The following DIP2C variants were observed in gnomAD, a reference collection of about 807,000 sequenced individuals.
DIP2C encodes the protein DIP2 acetate--CoA ligase C (putative).
DIP2C carries 33 observed loss-of-function variants against 192.4 expected under a neutral mutation model. The observed-to-expected ratio is 0.17, with a 90% CI of 0.13 to 0.23. The LOEUF (loss-of-function observed/expected upper bound fraction) is 0.23, where lower values mean the gene tolerates loss of function less well. DIP2C is among the 10% of genes least tolerant of loss of function. The probability of loss-of-function intolerance (pLI) is 1.00; values close to 1 mark genes in which losing one functional copy is unlikely to be tolerated. For missense variants in DIP2C, 1,537 were observed against 2,110.1 expected (o/e 0.73, Z 5.32); for synonymous variants, 979 against 864.1 (o/e 1.13, Z -2.33).
At chr10:577,909 C>A (rs1382964767) in intron 1 of DIP2C, among the ~76,000 whole-genome samples, 1 of 151,680 alleles carries the variant, frequency 6.6e-6, no homozygotes, top group African/African-American at 2.4e-5. Context: ...CATGGTAGAA[C>A]CTGGAATTTA....
intron 1 of DIP2C, among the ~76,000 whole-genome samples, chr10:559,005 C>A (rs984573594): frequency 3.3e-5 from 5 of 151,826 alleles, no homozygotes; most frequent in African/African-American, 1.2e-4. Flanking sequence ...GTCGTGGGGC[C>A]AAGGAGTGGT....
At chr10:418,723 T>C (rs377207265) in intron 6 of DIP2C, among the ~76,000 whole-genome samples, 12 of 152,378 alleles carry the variant, frequency 7.9e-5, no homozygotes, top group Non-Finnish European at 1.3e-4. Flanking sequence ...TAAGTGACTG[T>C]TCATGGTCTT....
At chr10:394,105 G>A (rs910075789) in intron 10 of DIP2C, among the ~76,000 whole-genome samples, 5 of 152,278 alleles carry the variant, frequency 3.3e-5, no homozygotes, top group African/African-American at 7.2e-5. Flanking sequence ...CCAGATTATC[G>A]GCATCCCTAC....
chr10:665,346 G>A (rs1588720676), intron 1 of DIP2C: 2 of 152,128 alleles, frequency 1.3e-5, no homozygotes, highest in South Asian at 2.1e-4. Context: ...ATTGTTCTAG[G>A]TGGTGCTTTT....
At position 650,969 on chromosome 10, in the gene DIP2C, C is replaced by T. The variant is rs562103071; in HGVS notation, c.85+38525G>A. 117 of 717,436 alleles carry T rather than the reference C, an allele frequency of 1.6e-4. 1 individual carries two copies. In the African/African-American group the frequency reaches 1.9e-3, roughly 11 times the overall value. 44.4% of individuals were successfully genotyped at this position (717,436 alleles called of 1,614,324 possible). On this transcript the variant is annotated intron_variant, in intron 1 of 36. Transcript: ENST00000280886. ...GCTCTGGCTGTTTCTCTTCCAAAGC[C>T]GGCACTGCCCTCTCTCCATCTCTCC...
chr10:609,941 G>A (rs1278714303), intron 1 of DIP2C, among the ~76,000 whole-genome samples: 2 of 151,926 alleles, frequency 1.3e-5, no homozygotes, highest in East Asian at 1.9e-4. Flanking sequence ...AAAGGAATGC[G>A]GCATTCCACC....
At chr10:392,016 T>C (rs1466059161) in intron 10 of DIP2C, among the ~76,000 whole-genome samples, 1 of 152,198 alleles carries the variant, frequency 6.6e-6, no homozygotes, top group Non-Finnish European at 1.5e-5. Context: ...AACCAGCACA[T>C]GCAGGGCAGC....
chr10:639,905 C>T (rs543722252), intron 1 of DIP2C, among the ~76,000 whole-genome samples: 2 of 152,224 alleles, frequency 1.3e-5, no homozygotes, highest in African/African-American at 4.8e-5. Context: ...GTCCCTCCCC[C>T]GCCCGGCCTG....
intron 1 of DIP2C, among the ~76,000 whole-genome samples, chr10:657,759 GGACCTGACGCTT>G (rs1408248940): frequency 9.3e-4 from 138 of 147,608 alleles, no homozygotes; most frequent in Admixed American, 1.3e-3. Flanking sequence ...ACCTGCCACT[GGACCTGACGCTT>G]GACCTGATGC....
intron 17 of DIP2C, among the ~76,000 whole-genome samples, chr10:375,094 G>A (rs1961410665): frequency 6.6e-6 from 1 of 152,186 alleles, no homozygotes; most frequent in Admixed American, 6.5e-5. Context: ...CGTGCAAAAG[G>A]GAAACAAAAT....
chr10:330,164 C>CT (rs1399730121), intron 29 of DIP2C, among the ~76,000 whole-genome samples: 3 of 152,100 alleles, frequency 2.0e-5, no homozygotes, highest in Admixed American at 6.5e-5. Context: ...GTTTAGAAAA[C>CT]TGACAGCCAG....
chr10:452,325 G>A (rs918395125), intron 3 of DIP2C, among the ~76,000 whole-genome samples: 5 of 152,168 alleles, frequency 3.3e-5, no homozygotes, highest in Admixed American at 1.3e-4. Flanking sequence ...ACGGGATAGC[G>A]CTAAGGGGTC....
intron 1 of DIP2C, among the ~76,000 whole-genome samples, chr10:546,692 G>C (rs1379179943): frequency 1.3e-5 from 2 of 152,190 alleles, no homozygotes; most frequent in East Asian, 1.9e-4. Context: ...GGACTGGTCT[G>C]TCCTGCACTT....
intron 1 of DIP2C, among the ~76,000 whole-genome samples, chr10:571,092 G>A (rs1849769937): frequency 6.6e-6 from 1 of 152,224 alleles, no homozygotes; most frequent in Non-Finnish European, 1.5e-5. Flanking sequence ...ATCTGAAGCT[G>A]GCCGACTGCT....
intron 1 of DIP2C, among the ~76,000 whole-genome samples, chr10:573,556 G>GCA (rs1451255118): frequency 6.6e-6 from 1 of 152,040 alleles, no homozygotes; most frequent in African/African-American, 2.4e-5. Context: ...CTACAGGTGT[G>GCA]CAACCCTCAC....
intron 2 of DIP2C, among the ~76,000 whole-genome samples, chr10:475,785 A>G (rs1971010283): frequency 6.6e-6 from 1 of 152,178 alleles, no homozygotes; most frequent in Non-Finnish European, 1.5e-5. Context: ...TGGCTTAACG[A>G]TATGTTCCTG....
chr10:637,972 C>T (rs1033826327), intron 1 of DIP2C, among the ~76,000 whole-genome samples: 1 of 152,206 alleles, frequency 6.6e-6, no homozygotes, highest in Non-Finnish European at 1.5e-5. Flanking sequence ...CAAGCCAAGA[C>T]TCCTGCCCAA....
chr10:557,232 C>T (rs368132578), intron 1 of DIP2C, among the ~76,000 whole-genome samples: 1 of 152,354 alleles, frequency 6.6e-6, no homozygotes, highest in South Asian at 2.1e-4. Context: ...CCAGCAGACA[C>T]GTCAGCACAG....
At chr10:300,196 GTATC>G (rs1361691367) in intron 32 of DIP2C, among the ~76,000 whole-genome samples, 3 of 152,216 alleles carry the variant, frequency 2.0e-5, no homozygotes, top group African/African-American at 7.2e-5. Context: ...GTCTTGAACA[GTATC>G]TATAAACCCA....
Sources: allele counts gnomAD v4.1 joint callset (sites outside exome capture counted in the v4.1 genomes callset), GRCh38; gene constraint gnomAD v4.1.1; transcripts MANE v1.5; gene names NCBI Gene and HGNC (gene_info 2026-07-23, HGNC 2026-07-21).